RALYL: variants seen among roughly 807,000 people sequenced by gnomAD.
RALYL encodes RNA-binding Raly-like protein.
RALYL carries 29 observed loss-of-function variants against 35.1 expected under a neutral mutation model. The observed-to-expected ratio is 0.83, with a 90% CI of 0.61 to 1.13. RALYL has a LOEUF of 1.13. Ranked by LOEUF, RALYL falls within the 50% of genes most tolerant of loss-of-function variation. The pLI, the probability that RALYL is intolerant of heterozygous loss-of-function variation, is 0.00. For missense variants in RALYL, 359 were observed against 360.4 expected (o/e 1.00, Z 0.03); for synonymous variants, 120 against 127.6 (o/e 0.94, Z 0.40).
intron 1 of RALYL, among the ~76,000 whole-genome samples, chr8:84,410,608 G>A (rs2044001854): frequency 6.6e-6 from 1 of 151,674 alleles, no homozygotes; most frequent in Admixed American, 6.6e-5. Context: ...TTTACAATAT[G>A]TCGTTTTTAA....
intron 1 of RALYL, among the ~76,000 whole-genome samples, chr8:84,416,980 T>C (rs2044779409): frequency 6.6e-6 from 1 of 152,204 alleles, no homozygotes; most frequent in South Asian, 2.1e-4. Context: ...ACTTCTCTTA[T>C]TTTCTTCCTT....
chr8:84,629,713 C>T (rs539634361), intron 2 of RALYL, among the ~76,000 whole-genome samples: 1 of 152,022 alleles, frequency 6.6e-6, no homozygotes, highest in African/African-American at 2.4e-5. Context: ...CACAGTATTT[C>T]ATAGACTAAA....
At chr8:84,409,719 C>T (rs573127020) in intron 1 of RALYL, among the ~76,000 whole-genome samples, 7 of 152,086 alleles carry the variant, frequency 4.6e-5, no homozygotes, top group South Asian at 2.1e-4. Flanking sequence ...TAAAACAATA[C>T]GTACTTCAAC....
At chr8:84,432,835 G>T (rs956997948) in intron 1 of RALYL, among the ~76,000 whole-genome samples, 1 of 151,976 alleles carries the variant, frequency 6.6e-6, no homozygotes, top group African/African-American at 2.4e-5. Flanking sequence ...GGCAAGAAAG[G>T]TTCCTACCCA....
chr8:84,770,955 G>T (rs1815326283), intron 2 of RALYL, among the ~76,000 whole-genome samples: 1 of 151,972 alleles, frequency 6.6e-6, no homozygotes. Context: ...TTAGTCCTTT[G>T]ACAGATGTAT....
Position 84,276,594 on chromosome 8 carries a change from A to C in RALYL, c.-24+92170A>C, listed in dbSNP as rs143637749. On this transcript the variant is annotated intron_variant, in intron 1 of 8. Transcript: ENST00000521268. The stretch of plus-strand genomic sequence containing the variant: ...ACTTCTGGAAAGTTTATTGAGAGGC[A>C]TCAGAACTAGGCCTGCTATAGTCAT... 8.5e-3 allele frequency among the ~76,000 whole-genome samples: 1,290 copies of C among 152,314 alleles called. 20 individuals carry two copies. The highest frequency in any genetic ancestry group is 0.029 in the African/African-American group (1,191 of 41,564).
intron 3 of RALYL, among the ~76,000 whole-genome samples, chr8:84,789,024 C>T (rs1023928144): frequency 6.6e-6 from 1 of 152,110 alleles, no homozygotes; most frequent in African/African-American, 2.4e-5. Flanking sequence ...TTTGCTGCTG[C>T]TTTGAAAGGA....
At chr8:84,478,964 T>G (rs1200666015) in intron 1 of RALYL, among the ~76,000 whole-genome samples, 1 of 138,450 alleles carries the variant, frequency 7.2e-6, no homozygotes, top group Non-Finnish European at 1.6e-5. Context: ...CGGGCGCCTA[T>G]AGTCCCAGCT....
intron 1 of RALYL, among the ~76,000 whole-genome samples, chr8:84,263,506 G>A (rs774066966): frequency 1.3e-5 from 2 of 152,198 alleles, no homozygotes; most frequent in Non-Finnish European, 2.9e-5. Flanking sequence ...CATTCTGAAT[G>A]CAATTTAAAT....
intron 5 of RALYL, among the ~76,000 whole-genome samples, chr8:84,854,738 G>C (rs1286872208): frequency 6.6e-6 from 1 of 152,254 alleles, no homozygotes; most frequent in Non-Finnish European, 1.5e-5. Flanking sequence ...ACTGGAGTTA[G>C]TGACTGCAGG....
intron 2 of RALYL, among the ~76,000 whole-genome samples, chr8:84,538,116 G>A (rs2059749053): frequency 6.6e-6 from 1 of 152,198 alleles, no homozygotes; most frequent in African/African-American, 2.4e-5. Context: ...AGAGTGAATT[G>A]TAGAACTAAC....
At chr8:84,385,566 A>G (rs1270264242) in intron 1 of RALYL, among the ~76,000 whole-genome samples, 3 of 151,844 alleles carry the variant, frequency 2.0e-5, no homozygotes, top group Non-Finnish European at 4.4e-5. Context: ...TGTAAAAGCC[A>G]CATTGCTGTA....
intron 2 of RALYL, chr8:84,679,781 G>T (rs1034089323): frequency 2.3e-5 from 12 of 511,042 alleles, no homozygotes; most frequent in African/African-American, 2.0e-4. Context: ...ATGAAGCCAG[G>T]GAAATTGGAT....
intron 1 of RALYL, among the ~76,000 whole-genome samples, chr8:84,458,801 A>G (rs1313811233): frequency 2.0e-5 from 3 of 151,742 alleles, no homozygotes; most frequent in Non-Finnish European, 4.4e-5. Context: ...CTTGTATGGT[A>G]TTAAAATATA....
chr8:84,701,896 C>T (rs1376819073), intron 2 of RALYL, among the ~76,000 whole-genome samples: 1 of 152,132 alleles, frequency 6.6e-6, no homozygotes, highest in Non-Finnish European at 1.5e-5. Flanking sequence ...TCAAAGTATC[C>T]CTTCACCTCA....
At chr8:84,328,299 G>T (rs1408570644) in intron 1 of RALYL, among the ~76,000 whole-genome samples, 1 of 152,122 alleles carries the variant, frequency 6.6e-6, no homozygotes, top group Non-Finnish European at 1.5e-5. Context: ...GTCTTCCTAG[G>T]TTGTCTTAAA....
intron 1 of RALYL, among the ~76,000 whole-genome samples, chr8:84,314,441 A>T (rs1048516223): frequency 6.6e-6 from 1 of 152,082 alleles, no homozygotes; most frequent in African/African-American, 2.4e-5. Context: ...CTATAAATAT[A>T]CAAGTATATA....
chr8:84,347,772 T>C (rs767495805), intron 1 of RALYL, among the ~76,000 whole-genome samples: 10 of 152,130 alleles, frequency 6.6e-5, no homozygotes, highest in Non-Finnish European at 1.3e-4. Context: ...AACTCCAGCC[T>C]CTGCACAGGA....
intron 1 of RALYL, among the ~76,000 whole-genome samples, chr8:84,262,388 T>A (rs1281010213): frequency 6.6e-6 from 1 of 152,194 alleles, no homozygotes; most frequent in Non-Finnish European, 1.5e-5. Flanking sequence ...AAACAGACAA[T>A]CTTTCAATGT....
Sources: gnomAD v4.1 joint callset for allele counts (sites outside exome capture counted in the v4.1 genomes callset) on GRCh38, gnomAD v4.1.1 for gene constraint, MANE v1.5 for transcripts, NCBI Gene and HGNC (gene_info 2026-07-23, HGNC 2026-07-21) for gene names.